SGCZ: variants seen among roughly 807,000 people sequenced by gnomAD.
SGCZ encodes the protein zeta-sarcoglycan.
A neutral mutation model predicts 41.3 loss-of-function variants in SGCZ; 40 were observed. The ratio of observed to expected loss-of-function variants is 0.97; its 90% CI spans 0.75 to 1.26. The LOEUF (loss-of-function observed/expected upper bound fraction) is 1.26, where lower values mean the gene tolerates loss of function less well. SGCZ is among the 50% of genes most tolerant of loss of function. SGCZ has a pLI of 0.00. For synonymous variants in SGCZ, 206 were observed against 137.5 expected, an observed-to-expected ratio of 1.50 and a Z score of -3.49; for missense variants, 552 against 369.8, an observed-to-expected ratio of 1.49 and a Z score of -4.04.
intron 3 of SGCZ, chr8:14,309,662 G>A: frequency 6.2e-7 from 1 of 1,610,518 alleles, no homozygotes; most frequent in Non-Finnish European, 8.5e-7. Context: ...CTAAAAATAG[G>A]TTTGTTGTTT....
intron 1 of SGCZ, among the ~76,000 whole-genome samples, chr8:14,966,002 AAT>A (rs796391824): frequency 8.3e-4 from 126 of 152,250 alleles, no homozygotes; most frequent in African/African-American, 2.9e-3. Context: ...TGAAAAAAGT[AAT>A]AGTCTTATTG....
At chr8:14,651,867 T>G (rs1807410289) in intron 1 of SGCZ, among the ~76,000 whole-genome samples, 1 of 151,958 alleles carries the variant, frequency 6.6e-6, no homozygotes, top group Admixed American at 6.6e-5. Flanking sequence ...CTGACATATA[T>G]TTTCAGAAAA....
intron 1 of SGCZ, among the ~76,000 whole-genome samples, chr8:14,590,215 T>C (rs1805197151): frequency 6.6e-6 from 1 of 152,100 alleles, no homozygotes. Flanking sequence ...ATCTTATGTC[T>C]ACTAGGACAG....
At chr8:14,585,197 AT>A (rs1330397863) in intron 1 of SGCZ, among the ~76,000 whole-genome samples, 1 of 152,154 alleles carries the variant, frequency 6.6e-6, no homozygotes, top group East Asian at 1.9e-4. Context: ...TCGGCGTTAA[AT>A]GTACTTTTCA....
chr8:14,463,418 A>C (rs542184521), intron 2 of SGCZ, among the ~76,000 whole-genome samples: 108 of 151,144 alleles, frequency 7.1e-4, no homozygotes, highest in African/African-American at 2.5e-3. Flanking sequence ...AAAAAAAAAA[A>C]AAACCCTGGA....
intron 1 of SGCZ, among the ~76,000 whole-genome samples, chr8:15,215,749 G>C (rs1422272336): frequency 6.6e-6 from 1 of 152,166 alleles, no homozygotes; most frequent in Non-Finnish European, 1.5e-5. Flanking sequence ...CTCTGGAATA[G>C]TAATAAACCT....
intron 5 of SGCZ, among the ~76,000 whole-genome samples, chr8:14,136,600 G>A (rs1277553328): frequency 6.6e-6 from 1 of 152,128 alleles, no homozygotes; most frequent in African/African-American, 2.4e-5. Flanking sequence ...GCTGGGGGAG[G>A]GGCTTCCACC....
At chr8:14,863,051 C>G (rs899083332) in intron 1 of SGCZ, among the ~76,000 whole-genome samples, 1 of 152,044 alleles carries the variant, frequency 6.6e-6, no homozygotes, top group African/African-American at 2.4e-5. Flanking sequence ...GATTGAGAAG[C>G]TACAAGGTGA....
chr8:14,686,014 C>T (rs920614), intron 1 of SGCZ, among the ~76,000 whole-genome samples: 97,425 of 151,938 alleles, frequency 0.64, 33,865 homozygotes, highest in Non-Finnish European at 0.77. Context: ...GAAGCCCATA[C>T]TTCTACTAAT....
intron 1 of SGCZ, among the ~76,000 whole-genome samples, chr8:15,089,839 G>C (rs550921581): frequency 1.3e-5 from 2 of 152,222 alleles, no homozygotes; most frequent in African/African-American, 2.4e-5. Context: ...AGAGTGATGT[G>C]GTCTTAACTG....
intron 1 of SGCZ, among the ~76,000 whole-genome samples, chr8:14,708,253 A>T (rs1050658526): frequency 6.6e-6 from 1 of 151,994 alleles, no homozygotes; most frequent in African/African-American, 2.4e-5. Flanking sequence ...AGTACATTCA[A>T]TTTCTTCACG....
intron 1 of SGCZ, among the ~76,000 whole-genome samples, chr8:14,610,576 CTA>C (rs1805895472): frequency 1.3e-5 from 2 of 152,140 alleles, no homozygotes; most frequent in Non-Finnish European, 2.9e-5. Context: ...TCCTATTAAT[CTA>C]TCTGATGTCA....
intron 1 of SGCZ, among the ~76,000 whole-genome samples, chr8:14,820,390 G>T (rs561080845): frequency 6.6e-6 from 1 of 151,964 alleles, no homozygotes; most frequent in Non-Finnish European, 1.5e-5. Flanking sequence ...TAAAGGAATG[G>T]ACTGCAATGA....
intron 4 of SGCZ, among the ~76,000 whole-genome samples, chr8:14,174,632 AATAAAG>A (rs1355596794): frequency 7.9e-5 from 12 of 152,122 alleles, no homozygotes; most frequent in Non-Finnish European, 1.3e-4. Context: ...ACACTGAGAA[AATAAAG>A]ATAAATTACC....
intron 4 of SGCZ, among the ~76,000 whole-genome samples, chr8:14,213,521 T>C (rs1003180594): frequency 6.6e-6 from 1 of 152,028 alleles, no homozygotes; most frequent in African/African-American, 2.4e-5. Flanking sequence ...GAATATGTTA[T>C]CAGTAGATCT....
chr8:15,089,744 T>C (rs1806081507), intron 1 of SGCZ, among the ~76,000 whole-genome samples: 1 of 152,146 alleles, frequency 6.6e-6, no homozygotes, highest in Admixed American at 6.6e-5. Context: ...AGAATGTGCT[T>C]ACAGCTGCGT....
chr8:15,135,704 C>T (rs1043312785), intron 1 of SGCZ, among the ~76,000 whole-genome samples: 7 of 152,016 alleles, frequency 4.6e-5, no homozygotes, highest in East Asian at 1.9e-4. Context: ...GTACTGATGC[C>T]GGGCAGGCAA....
At chr8:15,015,579 C>T (rs1032279014) in intron 1 of SGCZ, among the ~76,000 whole-genome samples, 20 of 146,746 alleles carry the variant, frequency 1.4e-4, no homozygotes, top group African/African-American at 4.0e-4. Flanking sequence ...CCCAGCTACC[C>T]GGAGAGGCTG....
chr8:14,550,183 G>C (rs80010944), intron 2 of SGCZ, among the ~76,000 whole-genome samples: 13,324 of 151,850 alleles, frequency 0.088, 727 homozygotes, highest in East Asian at 0.18. Context: ...AAATAAATGA[G>C]ATTTGTTCAT....
Sources: allele counts gnomAD v4.1 joint callset (sites outside exome capture counted in the v4.1 genomes callset), GRCh38; gene constraint gnomAD v4.1.1; transcripts MANE v1.5; gene names NCBI Gene and HGNC (gene_info 2026-07-23, HGNC 2026-07-21).